Variants in SIPA1L3 observed in about 807,000 individuals in gnomAD.
SIPA1L3 encodes the protein signal-induced proliferation-associated 1-like protein 3.
SIPA1L3 carries 59 observed loss-of-function variants against 150.1 expected under a neutral mutation model. The observed-to-expected ratio is 0.39, with a 90% CI of 0.32 to 0.49. SIPA1L3 has a LOEUF of 0.49. SIPA1L3 is among the 20% of genes least tolerant of loss of function. The pLI is 0.86. For synonymous variants in SIPA1L3, 1,070 were observed against 1,077.6 expected, an observed-to-expected ratio of 0.99 and a Z score of 0.14; for missense variants, 2,211 against 2,489.5, an observed-to-expected ratio of 0.89 and a Z score of 2.38.
Position 38,207,423 on chromosome 19 carries a change from A to AAG in SIPA1L3, c.*1185_*1186dup, listed in dbSNP as rs1344879235. 7.2e-6 allele frequency: 1 copy of AAG among 139,540 alleles called. No individual in the cohort carries two copies. The highest frequency in any genetic ancestry group is 1.6e-5 in the Non-Finnish European group (1 of 63,722). 8.6% of individuals were successfully genotyped at this position (139,540 alleles called of 1,614,324 possible). On this transcript the variant is annotated 3_prime_UTR_variant, in exon 22 of 22. Coordinates refer to ENST00000222345, the MANE Select transcript of SIPA1L3 (RefSeq NM_015073.3). The stretch of plus-strand genomic sequence containing the variant: ...TTCCTTCTTTAAAAGCAAACAGAAA[A>AAG]AGATATATATATATATATATATATA...
At chr19:38,151,961 CAAAAAA>C (rs35851181) in intron 12 of SIPA1L3, among the ~76,000 whole-genome samples, 8 of 86,140 alleles carry the variant, frequency 9.3e-5, no homozygotes, top group African/African-American at 3.1e-4. Flanking sequence ...GACCCCATCT[CAAAAAA>C]AAAAAAAAAA....
rs184270523 is a variant in SIPA1L3, at chr19:38,065,027, T to A, written c.-310-16229T>A. Among the ~76,000 whole-genome samples the A allele has an allele frequency of 2.3e-3, 351 of 152,348 alleles. 2 individuals carry two copies. Among genetic ancestry groups the A allele is most frequent in the African/African-American group, 7.9e-3 (328 of 41,590 alleles). On this transcript the variant is annotated intron_variant, in intron 2 of 21. Coordinates refer to ENST00000222345, the MANE Select transcript of SIPA1L3 (RefSeq NM_015073.3). Reference sequence around the variant, plus strand: ...GAAGGTATTCACCCATTTATTTTTTTAAAAATTTCATCTCTCTACGCAGGC... The same window carrying A: ...GAAGGTATTCACCCATTTATTTTTTAAAAAATTTCATCTCTCTACGCAGGC...
chr19:38,206,398 G>A lies in SIPA1L3; in HGVS notation c.*158G>A, dbSNP rs1022964317. On this transcript the variant is annotated 3_prime_UTR_variant, in exon 22 of 22. Transcript: ENST00000222345. ...ACTCCGATGGCCTCACTAGGGCTGT[G>A]AGTCAGGGTCAGCGCGCACAGCCCT... 2.4e-5 allele frequency: 21 copies of A among 886,918 alleles called. No homozygotes were observed. The highest frequency in any genetic ancestry group is 3.2e-5 in the Non-Finnish European group (19 of 597,526). The allele number at this position is 886,918 out of a possible 1,614,324, so 54.9% of individuals were successfully genotyped here.
At chr19:38,202,090 C>A in intron 20 of SIPA1L3, 93 bp downstream of exon 20, 1 of 1,298,774 alleles carries the variant, frequency 7.7e-7, no homozygotes, top group East Asian at 2.4e-5. Flanking sequence ...ATGTGGGTCA[C>A]CCCCACCACT....
chr19:38,032,895 T>C (rs1168039087), intron 2 of SIPA1L3, among the ~76,000 whole-genome samples: 2 of 151,092 alleles, frequency 1.3e-5, no homozygotes. Context: ...TGGATGTATA[T>C]AGTGTACATA....
intron 15 of SIPA1L3, among the ~76,000 whole-genome samples, chr19:38,171,778 G>C (rs1972333620): frequency 6.6e-6 from 1 of 152,084 alleles, no homozygotes; most frequent in African/African-American, 2.4e-5. Flanking sequence ...GATCACTTGA[G>C]CCTGGAAGTT....
chr19:37,994,445 G>A (rs1342654412), intron 1 of SIPA1L3, among the ~76,000 whole-genome samples: 3 of 152,104 alleles, frequency 2.0e-5, no homozygotes, highest in Middle Eastern at 3.2e-3. Context: ...CGGTGGAAAG[G>A]CTGAAGCTCC....
At chr19:38,123,906 C>T (rs1343508563) in intron 9 of SIPA1L3, among the ~76,000 whole-genome samples, 2 of 144,302 alleles carry the variant, frequency 1.4e-5, no homozygotes, top group South Asian at 4.5e-4. Flanking sequence ...TCCTCACTTC[C>T]CAGTAGGGGC....
In SIPA1L3 at chr19:38,164,800, G is replaced by A. The variant is rs560378215; in HGVS notation, c.4102G>A (p.Ala1368Thr). 35 of 1,611,400 alleles carry A rather than the reference G, an allele frequency of 2.2e-5. No individual in the cohort carries two copies. Among genetic ancestry groups the A allele is most frequent in the Admixed American group, 3.3e-5 (2 of 59,910 alleles). Reference sequence around the variant, plus strand: ...GCGGCGGGAGGTCTCCCCTGCCCCCGCAGTTGCCGGCCAAAGCAAGGGCTA... The same window carrying A: ...GCGGCGGGAGGTCTCCCCTGCCCCCACAGTTGCCGGCCAAAGCAAGGGCTA... ...DRRREVSPAP[A>T]VAGQSKGYRP... The change falls in exon 15 of 22, where the codon GCA (alanine) becomes ACA (threonine). Residue 1368 changes from alanine (A) to threonine (T), a missense_variant. Ala to Thr is a moderately conservative substitution (Grantham distance 58). This residue lies in a region of SIPA1L3 where 806 missense variants were observed against 870.1 expected (regional missense o/e 0.93). Transcript: ENST00000222345. This position sits in a 1 kb window ranked among gnomAD's most constrained non-coding sequence, Gnocchi z 4.1.
chr19:37,933,025 T>C (rs1441417500), intron 1 of SIPA1L3, among the ~76,000 whole-genome samples: 2 of 152,110 alleles, frequency 1.3e-5, no homozygotes, highest in East Asian at 3.9e-4. Flanking sequence ...TCCGCTTTCC[T>C]CTCTGGGCCT....
At chr19:38,065,330 T>G (rs1201606721) in intron 2 of SIPA1L3, among the ~76,000 whole-genome samples, 1 of 151,722 alleles carries the variant, frequency 6.6e-6, no homozygotes, top group African/African-American at 2.4e-5. Flanking sequence ...CTTGGAAGTC[T>G]CTCCCCATTC....
At chr19:38,031,276 G>A (rs560248002) in intron 2 of SIPA1L3, among the ~76,000 whole-genome samples, 1 of 152,316 alleles carries the variant, frequency 6.6e-6, no homozygotes, top group South Asian at 2.1e-4. Flanking sequence ...ACACAACCCA[G>A]TACGATTAAC....
intron 1 of SIPA1L3, among the ~76,000 whole-genome samples, chr19:37,973,564 G>GGGC (rs1966997761): frequency 6.9e-6 from 1 of 144,474 alleles, no homozygotes; most frequent in Non-Finnish European, 1.5e-5. Context: ...AGCGGGAGGG[G>GGGC]GGCGCATCTT....
At chr19:38,123,999 C>T (rs1281236425) in intron 9 of SIPA1L3, among the ~76,000 whole-genome samples, 1 of 139,426 alleles carries the variant, frequency 7.2e-6, no homozygotes, top group Non-Finnish European at 1.5e-5. Flanking sequence ...CCCTCCCGGA[C>T]GGGGCGGATG....
At chr19:37,983,557 C>T (rs565572612) in intron 1 of SIPA1L3, among the ~76,000 whole-genome samples, 1 of 152,158 alleles carries the variant, frequency 6.6e-6, no homozygotes, top group African/African-American at 2.4e-5. Context: ...CAGCTCAGTT[C>T]CAGGGGAGAT....
At chr19:38,094,407 C>T (rs1055885702) in intron 4 of SIPA1L3, among the ~76,000 whole-genome samples, 1 of 152,110 alleles carries the variant, frequency 6.6e-6, no homozygotes, top group African/African-American at 2.4e-5. Context: ...CACCACCATG[C>T]CTGGCTAATA....
At chr19:37,964,368 G>C (rs559049794) in intron 1 of SIPA1L3, 21 of 152,336 alleles carry the variant, frequency 1.4e-4, no homozygotes, top group African/African-American at 5.1e-4. Flanking sequence ...CTCCAGCCTG[G>C]GTGGTAGAGC....
At chr19:37,935,481 C>T (rs2046592380) in intron 1 of SIPA1L3, among the ~76,000 whole-genome samples, 1 of 152,186 alleles carries the variant, frequency 6.6e-6, no homozygotes, top group Admixed American at 6.5e-5. Flanking sequence ...CCACAAGCCA[C>T]CCCTAAACTT....
intron 7 of SIPA1L3, 151 bp downstream of exon 7, chr19:38,106,791 C>T (rs1315295738): frequency 4.8e-6 from 3 of 628,000 alleles, no homozygotes; most frequent in African/African-American, 1.8e-5. Flanking sequence ...GGTTAGAGAG[C>T]AGCCCAGGTG....
Sources: allele counts gnomAD v4.1 joint callset (sites outside exome capture counted in the v4.1 genomes callset), GRCh38; gene constraint gnomAD v4.1.1; regional missense constraint gnomAD v4.1.1; non-coding constraint Gnocchi (gnomAD v3.1); transcripts MANE v1.5; gene names NCBI Gene and HGNC (gene_info 2026-07-23, HGNC 2026-07-21).